WWOX: variants seen among roughly 807,000 people sequenced by gnomAD.
The protein encoded by WWOX is WW domain-containing oxidoreductase.
Under a neutral mutation model 46.2 loss-of-function variants are expected in WWOX, and 69 were observed. The ratio of observed to expected loss-of-function variants is 1.49; its 90% CI spans 1.23 to 1.82. WWOX has a LOEUF of 1.82. WWOX is among the 40% of genes most tolerant of loss of function. The pLI, the probability that WWOX is intolerant of heterozygous loss-of-function variation, is 0.00. For synonymous variants in WWOX, 359 were observed against 202.6 expected, an observed-to-expected ratio of 1.77 and a Z score of -6.56; for missense variants, 919 against 542.6, an observed-to-expected ratio of 1.69 and a Z score of -6.89.
chr16:78,870,526 T>G (rs2737281), intron 8 of WWOX, among the ~76,000 whole-genome samples: 1 of 151,850 alleles, frequency 6.6e-6, no homozygotes, highest in African/African-American at 2.4e-5. Flanking sequence ...AAAAAACCCT[T>G]ACTGATCTTT....
At chr16:78,442,098 C>T (rs117070770) in intron 8 of WWOX, among the ~76,000 whole-genome samples, 4,576 of 151,590 alleles carry the variant, frequency 0.03, 112 homozygotes, top group South Asian at 0.14. Context: ...GATGGTGCCC[C>T]TGCACTCCAT....
intron 8 of WWOX, among the ~76,000 whole-genome samples, chr16:79,015,116 G>A (rs936674448): frequency 2.6e-5 from 4 of 152,208 alleles, no homozygotes; most frequent in African/African-American, 9.7e-5. Context: ...GGACACTACT[G>A]TGCATTTGCC....
intron 8 of WWOX, among the ~76,000 whole-genome samples, chr16:78,580,601 A>G (rs540797016): frequency 1.3e-5 from 2 of 152,344 alleles, no homozygotes; most frequent in East Asian, 1.9e-4. Context: ...ACTTCTCTAC[A>G]TTACCTTTAC....
chr16:78,914,878 C>CAAAAAAAAAAAAAAA (rs1213942556), intron 8 of WWOX, among the ~76,000 whole-genome samples: 1 of 65,678 alleles, frequency 1.5e-5, no homozygotes, highest in Non-Finnish European at 2.7e-5. Context: ...GACTCCGCCT[C>CAAAAAAAAAAAAAAA]AGAAAAAAAA....
At chr16:78,941,475 T>G (rs1438648345) in intron 8 of WWOX, among the ~76,000 whole-genome samples, 1 of 151,864 alleles carries the variant, frequency 6.6e-6, no homozygotes, top group Non-Finnish European at 1.5e-5. Flanking sequence ...TTTTTTTTTT[T>G]GTCAGTAGAG....
In WWOX at chr16:79,011,938, G is replaced by A. The variant is rs553575428; in HGVS notation, c.1057-199670G>A. On this transcript the variant is annotated intron_variant, in intron 8 of 8. Coordinates refer to ENST00000566780, the MANE Select transcript of WWOX (RefSeq NM_016373.4). Reference sequence around the variant, plus strand: ...TGAGTCACTGGAATTTCAGGCATGAGCCACTGTGCCTGGCCTCTGTCAACT... The same window carrying A: ...TGAGTCACTGGAATTTCAGGCATGAACCACTGTGCCTGGCCTCTGTCAACT... 3.9e-5 allele frequency among the ~76,000 whole-genome samples: 6 copies of A among 152,310 alleles called. No homozygotes were observed. In the East Asian group the frequency reaches 1.2e-3, roughly 29 times the overall value.
intron 8 of WWOX, among the ~76,000 whole-genome samples, chr16:78,506,121 C>T (rs1050141165): frequency 6.6e-6 from 1 of 151,634 alleles, no homozygotes; most frequent in Non-Finnish European, 1.5e-5. Context: ...AAGGGGAGGA[C>T]AGGCTTCGAG....
intron 8 of WWOX, among the ~76,000 whole-genome samples, chr16:78,894,758 A>G (rs1048935633): frequency 2.0e-5 from 3 of 152,310 alleles, no homozygotes; most frequent in South Asian, 2.1e-4. Flanking sequence ...AGACGGGACT[A>G]AAATCATGCC....
At chr16:78,308,337 C>G (rs1045951103) in intron 5 of WWOX, among the ~76,000 whole-genome samples, 20 of 152,144 alleles carry the variant, frequency 1.3e-4, no homozygotes, top group African/African-American at 4.6e-4. Flanking sequence ...ACCTGAAAAA[C>G]TAGTTCAGGC....
chr16:79,197,009 G>A (rs1597466073), intron 8 of WWOX, among the ~76,000 whole-genome samples: 2 of 152,232 alleles, frequency 1.3e-5, no homozygotes, highest in South Asian at 2.1e-4. Flanking sequence ...CTGAGGCAAC[G>A]TTGCAACGTT....
chr16:78,476,550 A>G (rs2084352900), intron 8 of WWOX, among the ~76,000 whole-genome samples: 1 of 152,068 alleles, frequency 6.6e-6, no homozygotes, highest in Non-Finnish European at 1.5e-5. Context: ...GCACATGTCT[A>G]CATATGTAAC....
chr16:78,284,291 T>C (rs2079733047), intron 5 of WWOX, among the ~76,000 whole-genome samples: 1 of 152,194 alleles, frequency 6.6e-6, no homozygotes, highest in African/African-American at 2.4e-5. Flanking sequence ...TCTTTGATTG[T>C]AAGGTGGCTC....
At chr16:78,486,488 T>A (rs1423937569) in intron 8 of WWOX, among the ~76,000 whole-genome samples, 2 of 152,212 alleles carry the variant, frequency 1.3e-5, no homozygotes, top group Non-Finnish European at 2.9e-5. Flanking sequence ...TCCTGATAGT[T>A]TAGCAGTGTG....
chr16:78,126,524 T>C (rs1257101555), intron 4 of WWOX, among the ~76,000 whole-genome samples: 1 of 152,214 alleles, frequency 6.6e-6, no homozygotes, highest in Non-Finnish European at 1.5e-5. Flanking sequence ...GACTATTGGA[T>C]ATGTATCGAT....
intron 8 of WWOX, among the ~76,000 whole-genome samples, chr16:78,831,780 A>G (rs62036184): frequency 6.6e-6 from 1 of 152,198 alleles, no homozygotes; most frequent in Non-Finnish European, 1.5e-5. Context: ...TATGACCTCC[A>G]GAAGCTTTTA....
At chr16:78,677,954 A>C (rs892538585) in intron 8 of WWOX, among the ~76,000 whole-genome samples, 2 of 152,186 alleles carry the variant, frequency 1.3e-5, no homozygotes, top group African/African-American at 4.8e-5. Flanking sequence ...TGTCCTTTTC[A>C]GGGATGACAT....
chr16:79,065,258 A>G lies in WWOX; in HGVS notation c.1057-146350A>G, dbSNP rs144906824. Among the ~76,000 whole-genome samples the G allele has an allele frequency of 4.1e-4, 63 of 152,304 alleles. No individual in the cohort carries two copies. In the East Asian group the frequency reaches 0.012, roughly 29 times the overall value. ...GTAAAACCCAGTTCACTGAGATGAC[A>G]TTATGGCAGGAAAGAAAGAGTTTAA... On this transcript the variant is annotated intron_variant, in intron 8 of 8. Transcript: ENST00000566780.
chr16:78,615,812 A>G (rs541306305), intron 8 of WWOX, among the ~76,000 whole-genome samples: 35 of 150,864 alleles, frequency 2.3e-4, no homozygotes, highest in Non-Finnish European at 3.8e-4. Context: ...GTGCAGTGGC[A>G]CAGTCTCCGC....
At chr16:78,655,152 C>T (rs2047052491) in intron 8 of WWOX, among the ~76,000 whole-genome samples, 1 of 152,074 alleles carries the variant, frequency 6.6e-6, no homozygotes, top group Non-Finnish European at 1.5e-5. Flanking sequence ...CGGGGACTCG[C>T]TGTGGCCATA....
Sources: gnomAD v4.1 joint callset for allele counts (sites outside exome capture counted in the v4.1 genomes callset) on GRCh38, gnomAD v4.1.1 for gene constraint, MANE v1.5 for transcripts, NCBI Gene and HGNC (gene_info 2026-07-23, HGNC 2026-07-21) for gene names.